The following MARCHF4 variants were observed in gnomAD, a reference collection of about 807,000 sequenced individuals.
MARCHF4 encodes the protein membrane associated ring-CH-type finger 4, also known as E3 ubiquitin-protein ligase MARCHF4.
In MARCHF4, 14 loss-of-function variants were observed where a neutral mutation model predicts 43.9. The observed-to-expected ratio is 0.32, with a 90% CI of 0.21 to 0.50. MARCHF4 has a LOEUF of 0.50. Ranked by LOEUF, MARCHF4 falls within the 20% of genes least tolerant of loss-of-function variation. The pLI, the probability that MARCHF4 is intolerant of heterozygous loss-of-function variation, is 0.98. For synonymous variants in MARCHF4, 226 were observed against 213.3 expected, an observed-to-expected ratio of 1.06 and a Z score of -0.52; for missense variants, 468 against 536.7, an observed-to-expected ratio of 0.87 and a Z score of 1.27.
chr2:216,305,635 G>C (rs6745490), intron 1 of MARCHF4, among the ~76,000 whole-genome samples: 40,203 of 152,114 alleles, frequency 0.26, 6,523 homozygotes, highest in Non-Finnish European at 0.35. Context: ...CTCACTGCCT[G>C]AGCCAAGCCA....
chr2:216,294,283 C>A (rs1407791133), intron 1 of MARCHF4, among the ~76,000 whole-genome samples: 1 of 152,244 alleles, frequency 6.6e-6, no homozygotes, highest in Admixed American at 6.5e-5. Context: ...GCAGAGGGAT[C>A]CCAGCCTCAG....
At chr2:216,317,225 G>A (rs534434681) in intron 1 of MARCHF4, among the ~76,000 whole-genome samples, 60 of 152,282 alleles carry the variant, frequency 3.9e-4, no homozygotes, top group South Asian at 2.7e-3. Flanking sequence ...GGTTGGTAGT[G>A]TTATTTTCTT....
chr2:216,264,017 T>C (rs1006342068), intron 3 of MARCHF4, among the ~76,000 whole-genome samples: 1 of 152,042 alleles, frequency 6.6e-6, no homozygotes, highest in African/African-American at 2.4e-5. Flanking sequence ...GCAGCCGGCT[T>C]GGAGCAAACA....
intron 1 of MARCHF4, among the ~76,000 whole-genome samples, chr2:216,356,831 T>G (rs970295587): frequency 1.3e-5 from 2 of 152,144 alleles, no homozygotes; most frequent in Admixed American, 1.3e-4. Flanking sequence ...GAGACCAGCC[T>G]GGCCAACATG....
intron 1 of MARCHF4, among the ~76,000 whole-genome samples, chr2:216,334,776 C>T (rs990748257): frequency 6.6e-6 from 1 of 152,120 alleles, no homozygotes; most frequent in African/African-American, 2.4e-5. Flanking sequence ...GTCAAGGAGG[C>T]AAGAAAATAG....
At chr2:216,352,500 C>T (rs1463145742) in intron 1 of MARCHF4, among the ~76,000 whole-genome samples, 1 of 152,136 alleles carries the variant, frequency 6.6e-6, no homozygotes, top group Non-Finnish European at 1.5e-5. Flanking sequence ...TTTCTTTCCT[C>T]TCTCTGAGCT....
intron 1 of MARCHF4, among the ~76,000 whole-genome samples, chr2:216,346,242 T>A (rs1221360648): frequency 6.6e-6 from 1 of 152,094 alleles, no homozygotes; most frequent in African/African-American, 2.4e-5. Context: ...GAATCGATTT[T>A]AAGCCCTCCA....
At chr2:216,265,068 G>A (rs1047044434) in intron 3 of MARCHF4, among the ~76,000 whole-genome samples, 32 of 152,160 alleles carry the variant, frequency 2.1e-4, no homozygotes, top group Admixed American at 6.5e-4. Flanking sequence ...GGTTGAAGAG[G>A]TGGGAAAAAG....
chr2:216,283,776 TG>T (rs746273184), intron 1 of MARCHF4, 47 bp from the exon 2 acceptor site: 3 of 1,526,830 alleles, frequency 2.0e-6, no homozygotes, highest in South Asian at 1.2e-5. Flanking sequence ...CTACAGTGGC[TG>T]GTGGGTGAGT....
At chr2:216,267,351 A>C (rs1286991073) in intron 3 of MARCHF4, among the ~76,000 whole-genome samples, 1 of 152,194 alleles carries the variant, frequency 6.6e-6, no homozygotes, top group Non-Finnish European at 1.5e-5. Context: ...ACAAAGAAAA[A>C]AGAAATGGGT....
chr2:216,369,603 C>T (rs1692720231), intron 1 of MARCHF4, 142 bp downstream of exon 1: 2 of 657,394 alleles, frequency 3.0e-6, no homozygotes, highest in Non-Finnish European at 5.0e-6. Context: ...AACTTAACCA[C>T]AAGAAACATC....
intron 3 of MARCHF4, among the ~76,000 whole-genome samples, chr2:216,275,732 C>G (rs1476942302): frequency 2.0e-5 from 3 of 152,200 alleles, no homozygotes; most frequent in Admixed American, 2.0e-4. Context: ...AGGGAAGGAA[C>G]TTATTTCCCT....
chr2:216,324,792 T>C (rs1446359808), intron 1 of MARCHF4, among the ~76,000 whole-genome samples: 2 of 114,076 alleles, frequency 1.8e-5, no homozygotes, highest in Non-Finnish European at 3.5e-5. Context: ...TCTCAATAAA[T>C]TAGGTATTGA....
intron 3 of MARCHF4, 27 bp downstream of exon 3, chr2:216,277,645 C>T: frequency 1.3e-6 from 2 of 1,568,348 alleles, no homozygotes; most frequent in East Asian, 2.3e-5. Context: ...TTCCCCACTT[C>T]CCATGGAGAC....
intron 1 of MARCHF4, among the ~76,000 whole-genome samples, chr2:216,310,798 G>A (rs1691673765): frequency 6.6e-6 from 1 of 152,090 alleles, no homozygotes; most frequent in African/African-American, 2.4e-5. Flanking sequence ...GGGGGCATGT[G>A]GCATTCAGGG....
intron 3 of MARCHF4, among the ~76,000 whole-genome samples, chr2:216,266,830 A>G (rs1331913530): frequency 6.6e-6 from 1 of 152,238 alleles, no homozygotes; most frequent in Non-Finnish European, 1.5e-5. Flanking sequence ...GGCCAGGTTG[A>G]CAACATCACT....
chr2:216,349,942 C>T (rs973254595), intron 1 of MARCHF4, among the ~76,000 whole-genome samples: 2 of 152,094 alleles, frequency 1.3e-5, no homozygotes, highest in Non-Finnish European at 2.9e-5. Context: ...AATCTCACTG[C>T]AAGGGACAGC....
chr2:216,291,806 C>G (rs945674422), intron 1 of MARCHF4, among the ~76,000 whole-genome samples: 5 of 152,206 alleles, frequency 3.3e-5, no homozygotes, highest in African/African-American at 9.7e-5. Context: ...ACCTCAAAAG[C>G]TAAGTGAAGC....
intron 3 of MARCHF4, among the ~76,000 whole-genome samples, chr2:216,273,431 G>A (rs887414741): frequency 1.1e-4 from 16 of 152,160 alleles, no homozygotes; most frequent in African/African-American, 3.6e-4. Flanking sequence ...TTCTCCTGAT[G>A]ATAACATTTT....
Sources: gnomAD v4.1 joint callset for allele counts (sites outside exome capture counted in the v4.1 genomes callset) on GRCh38, gnomAD v4.1.1 for gene constraint, MANE v1.5 for transcripts, NCBI Gene and HGNC (gene_info 2026-07-23, HGNC 2026-07-21) for gene names.